ITSN1: variants seen among roughly 807,000 people sequenced by gnomAD.
ITSN1 encodes the protein intersectin-1.
In ITSN1, 58 loss-of-function variants were observed where a neutral mutation model predicts 239.8. The observed-to-expected ratio is 0.24, with a 90% CI of 0.20 to 0.30. The LOEUF is 0.30. ITSN1 is among the 10% of genes least tolerant of loss of function. ITSN1 has a pLI of 1.00. For missense variants in ITSN1, 1,558 were observed against 2,103.3 expected (o/e 0.74, Z 5.07); for synonymous variants, 780 against 770.8 (o/e 1.01, Z -0.20).
intron 34 of ITSN1, among the ~76,000 whole-genome samples, chr21:33,877,059 C>CTATTTTTTTTTTTTTTTTTTTT (rs1984045532): frequency 9.4e-6 from 1 of 106,366 alleles, no homozygotes; most frequent in Non-Finnish European, 1.8e-5. Flanking sequence ...CTGTGGGCAC[C>CTATTTTTTTTTTTTTTTTTTTT]TTTTTTTTTT....
At chr21:33,835,904 G>A (rs1053846548) in intron 28 of ITSN1, among the ~76,000 whole-genome samples, 12 of 152,168 alleles carry the variant, frequency 7.9e-5, no homozygotes, top group African/African-American at 2.2e-4. Context: ...GCACTCCAGC[G>A]TGGGCAACAG....
chr21:33,783,005 A>G (rs1176230150), intron 16 of ITSN1, among the ~76,000 whole-genome samples: 1 of 152,150 alleles, frequency 6.6e-6, no homozygotes, highest in East Asian at 1.9e-4. Context: ...AGCCTGGGTG[A>G]CAGAGCAAGA....
At chr21:33,676,445 C>G (rs1261651066) in intron 1 of ITSN1, among the ~76,000 whole-genome samples, 1 of 152,156 alleles carries the variant, frequency 6.6e-6, no homozygotes, top group African/African-American at 2.4e-5. Flanking sequence ...CCAGGCTGGT[C>G]TTCAACTCCT....
intron 16 of ITSN1, among the ~76,000 whole-genome samples, chr21:33,790,295 T>A (rs1052253421): frequency 1.3e-5 from 2 of 149,674 alleles, no homozygotes; most frequent in Admixed American, 1.3e-4. Context: ...ATATTTAATA[T>A]ATGTGTGTAG....
intron 25 of ITSN1, among the ~76,000 whole-genome samples, chr21:33,825,087 A>G (rs1247408311): frequency 6.6e-6 from 1 of 152,200 alleles, no homozygotes; most frequent in Non-Finnish European, 1.5e-5. Context: ...AAGTGACTTT[A>G]CCTTTTGGAT....
chr21:33,763,606 C>G (rs1046376871), intron 9 of ITSN1, among the ~76,000 whole-genome samples: 1 of 151,918 alleles, frequency 6.6e-6, no homozygotes, highest in African/African-American at 2.4e-5. Flanking sequence ...TTGAGAATTG[C>G]GGATCAGATT....
chr21:33,750,125 G>C lies in ITSN1; in HGVS notation c.347-18G>C, dbSNP rs756094944. 6.2e-7 allele frequency: 1 copy of C among 1,612,134 alleles called. No individual in the cohort carries two copies. The highest frequency in any genetic ancestry group is 8.5e-7 in the Non-Finnish European group (1 of 1,178,816). ...TGTGATTGGATGTGAATGGTGTTGAGCTGTTTTTTCTTCATAGGTATGGGA... is the reference window on the plus strand; with the variant it reads ...TGTGATTGGATGTGAATGGTGTTGACCTGTTTTTTCTTCATAGGTATGGGA... On this transcript the variant is annotated intron_variant, in intron 5 of 39. Transcript: ENST00000381318.
At chr21:33,822,548 T>C (rs1369429542) in intron 24 of ITSN1, among the ~76,000 whole-genome samples, 1 of 152,242 alleles carries the variant, frequency 6.6e-6, no homozygotes, top group East Asian at 1.9e-4. Context: ...TCCAGGATTT[T>C]GTGTCTGGTG....
At chr21:33,874,397 G>A (rs1481914690) in intron 33 of ITSN1, among the ~76,000 whole-genome samples, 1 of 152,106 alleles carries the variant, frequency 6.6e-6, no homozygotes, top group Non-Finnish European at 1.5e-5. Context: ...CTCCTCTTAT[G>A]CCCCAGGCTG....
At chr21:33,682,065 A>G (rs1410084942) in intron 1 of ITSN1, among the ~76,000 whole-genome samples, 1 of 146,502 alleles carries the variant, frequency 6.8e-6, no homozygotes, top group East Asian at 2.0e-4. Flanking sequence ...CCAAAAGATT[A>G]TGTGCTTAAA....
chr21:33,721,111 G>C (rs886461596), intron 2 of ITSN1, 67 bp from the exon 3 acceptor site: 1 of 956,630 alleles, frequency 1.0e-6, no homozygotes. Flanking sequence ...TGTGGAAATA[G>C]TGTGTGAGAG....
intron 16 of ITSN1, among the ~76,000 whole-genome samples, chr21:33,789,402 T>G (rs2147968608): frequency 6.6e-6 from 1 of 152,326 alleles, no homozygotes; most frequent in African/African-American, 2.4e-5. Context: ...CTAAATAATT[T>G]TATCTTGATT....
At chr21:33,719,276 A>G (rs566263739) in intron 2 of ITSN1, among the ~76,000 whole-genome samples, 1 of 152,248 alleles carries the variant, frequency 6.6e-6, no homozygotes, top group Non-Finnish European at 1.5e-5. Flanking sequence ...CCCTGTCTCT[A>G]TGAAAAATAC....
intron 1 of ITSN1, among the ~76,000 whole-genome samples, chr21:33,700,734 A>G (rs1453359866): frequency 6.6e-6 from 1 of 152,096 alleles, no homozygotes; most frequent in Non-Finnish European, 1.5e-5. Context: ...TTTGCCTGTC[A>G]CTAATTGTTT....
At position 33,802,279 on chromosome 21, in the gene ITSN1, T is replaced by C. The variant is rs533508540; in HGVS notation, c.2305-151T>C. ...CGGGAACATATCTGGGCTTCACTTG[T>C]AATCCTAGGCCTGTTGAAACCTTTT... is the stretch of plus-strand genomic sequence containing the variant. On this transcript the variant is annotated intron_variant, in intron 19 of 39. Coordinates refer to ENST00000381318, the MANE Select transcript of ITSN1 (RefSeq NM_003024.3). 11 of 670,618 alleles carry C rather than the reference T, an allele frequency of 1.6e-5. No homozygotes were observed. In the African/African-American group the frequency reaches 2.0e-4, roughly 12 times the overall value. 41.5% of individuals were successfully genotyped at this position (670,618 alleles called of 1,614,324 possible). A position where few individuals can be genotyped will look rare whatever the true frequency, so the allele number is the denominator to read the frequency against.
intron 3 of ITSN1, 103 bp from the exon 4 acceptor site, chr21:33,722,485 A>G: frequency 7.2e-7 from 1 of 1,389,910 alleles, no homozygotes; most frequent in Non-Finnish European, 9.4e-7. Flanking sequence ...TATTTATAGT[A>G]TTACCAGCCT....
At position 33,730,388 on chromosome 21, in the gene ITSN1, CTTTTTTTTTT is replaced by C. The variant is rs71194863; in HGVS notation, c.186-4637_186-4628del. 1.1e-3 allele frequency among the ~76,000 whole-genome samples: 53 copies of C among 49,364 alleles called. 1 individual carries two copies. The East Asian group carries it at 0.018, about 17-fold the overall frequency. The allele number at this position is 49,364 out of a possible 152,430, so 32.4% of individuals were successfully genotyped here. ...TAACCTGCTATAAATGCTCTCTGTT[CTTTTTTTTTT>C]TTTTTTTTTTTTTTTTTTCTGGAGA... is the stretch of plus-strand genomic sequence containing the variant. On this transcript the variant is annotated intron_variant, in intron 4 of 39. Transcript: ENST00000381318.
rs2090039794 is a variant in ITSN1, at chr21:33,668,138, C to G, written c.-33+25425C>G. ...GAGCAAGATGCATTTTCACAGTTTT[C>G]TCCCAACCTCTTTACTTGAGTCTAG... On this transcript the variant is annotated intron_variant, in intron 1 of 39. Coordinates refer to ENST00000381318, the MANE Select transcript of ITSN1 (RefSeq NM_003024.3). 1.3e-5 allele frequency among the ~76,000 whole-genome samples: 2 copies of G among 152,222 alleles called. 1 individual carries two copies. The highest frequency in any genetic ancestry group is 4.1e-4 in the South Asian group (2 of 4,838).
intron 7 of ITSN1, among the ~76,000 whole-genome samples, chr21:33,752,121 A>G (rs571395502): frequency 6.7e-6 from 1 of 150,292 alleles, no homozygotes; most frequent in African/African-American, 2.4e-5. Context: ...AGGACATAAC[A>G]TTTCCTTAAA....
Sources: gnomAD v4.1 joint callset for allele counts (sites outside exome capture counted in the v4.1 genomes callset) on GRCh38, gnomAD v4.1.1 for gene constraint, MANE v1.5 for transcripts, NCBI Gene and HGNC (gene_info 2026-07-23, HGNC 2026-07-21) for gene names.